FOXN3: variants seen among roughly 807,000 people sequenced by gnomAD.
FOXN3 encodes forkhead box protein N3.
In FOXN3, 7 loss-of-function variants were observed where a neutral mutation model predicts 38.4. The observed-to-expected ratio is 0.18, with a 90% confidence interval of 0.10 to 0.34. FOXN3 has a LOEUF of 0.34. Among genes scored for constraint, FOXN3 ranks in the 10% least tolerant of loss-of-function variants. The pLI, the probability that FOXN3 is intolerant of heterozygous loss-of-function variation, is 1.00. For synonymous variants in FOXN3, 230 were observed against 242.2 expected (o/e 0.95, Z 0.47); for missense variants, 456 against 613.4 (o/e 0.74, Z 2.71).
intron 5 of FOXN3, among the ~76,000 whole-genome samples, chr14:89,175,694 G>A (rs1050866096): frequency 6.6e-6 from 1 of 152,154 alleles, no homozygotes; most frequent in African/African-American, 2.4e-5. Flanking sequence ...GTTCACGTAC[G>A]TATTTTGTTG....
chr14:89,362,175 C>T (rs200454229), intron 2 of FOXN3, among the ~76,000 whole-genome samples: 111 of 4,620 alleles, frequency 0.024, 2 homozygotes, highest in Non-Finnish European at 0.035. Context: ...CCTCCAGCAC[C>T]ACCTCCACCA....
At chr14:89,542,537 T>C (rs561174127) in intron 1 of FOXN3, among the ~76,000 whole-genome samples, 1 of 152,324 alleles carries the variant, frequency 6.6e-6, no homozygotes, top group South Asian at 2.1e-4. Context: ...TTAGTCAAGT[T>C]CGTCATTGCT....
chr14:89,595,308 G>A (rs1259022594), intron 1 of FOXN3, among the ~76,000 whole-genome samples: 1 of 151,390 alleles, frequency 6.6e-6, no homozygotes, highest in African/African-American at 2.4e-5. Flanking sequence ...CTGGGCAATT[G>A]AGCGAGATTC....
chr14:89,268,942 C>T (rs558064480), intron 4 of FOXN3, among the ~76,000 whole-genome samples: 1 of 152,358 alleles, frequency 6.6e-6, no homozygotes, highest in Admixed American at 6.5e-5. Flanking sequence ...CCAGGCCATG[C>T]ATGGCAAAAC....
intron 1 of FOXN3, among the ~76,000 whole-genome samples, chr14:89,488,636 A>C (rs1034938450): frequency 5.3e-5 from 8 of 151,968 alleles, no homozygotes; most frequent in Non-Finnish European, 1.0e-4. Flanking sequence ...AAAAAAAAAA[A>C]AAAACTACAT....
chr14:89,579,293 A>G (rs1381495113), intron 1 of FOXN3, among the ~76,000 whole-genome samples: 1 of 150,794 alleles, frequency 6.6e-6, no homozygotes, highest in East Asian at 2.0e-4. Context: ...TCGGACCACA[A>G]GCACATGCCA....
chr14:89,413,375 T>A (rs184374621), intron 1 of FOXN3, among the ~76,000 whole-genome samples: 1 of 152,302 alleles, frequency 6.6e-6, no homozygotes, highest in Non-Finnish European at 1.5e-5. Flanking sequence ...GGCTCACGCC[T>A]ATAATCTCAC....
chr14:89,290,661 TGGGAA>T, intron 3 of FOXN3: 1 of 447,930 alleles, frequency 2.2e-6, no homozygotes, highest in Non-Finnish European at 4.4e-6. Context: ...TGCATGTTGC[TGGGAA>T]GGATGAGGTT....
intron 1 of FOXN3, among the ~76,000 whole-genome samples, chr14:89,564,576 A>T (rs1278160304): frequency 6.6e-6 from 1 of 152,194 alleles, no homozygotes; most frequent in African/African-American, 2.4e-5. Flanking sequence ...GGTGGTAATG[A>T]TTCACCGCAG....
chr14:89,204,103 A>T (rs1057055812), intron 4 of FOXN3, among the ~76,000 whole-genome samples: 11 of 136,804 alleles, frequency 8.0e-5, no homozygotes, highest in East Asian at 4.4e-4. Context: ...ACACACACAC[A>T]ACTACTACTA....
chr14:89,405,151 T>A (rs3825665), intron 2 of FOXN3, among the ~76,000 whole-genome samples: 65,826 of 151,784 alleles, frequency 0.43, 15,555 homozygotes, highest in Admixed American at 0.55. Context: ...TTGTTTTTCT[T>A]TTTGAGACAG....
chr14:89,317,739 C>A (rs1397225981), intron 3 of FOXN3, among the ~76,000 whole-genome samples: 1 of 151,932 alleles, frequency 6.6e-6, no homozygotes, highest in Non-Finnish European at 1.5e-5. Context: ...TTCCCTGAAC[C>A]TCTTATGGTA....
chr14:89,415,892 G>GT (rs1328755102), intron 1 of FOXN3, among the ~76,000 whole-genome samples: 1 of 108,058 alleles, frequency 9.3e-6, no homozygotes, highest in Admixed American at 8.6e-5. Context: ...ACCCTCTTTT[G>GT]TTTTTTTTAT....
chr14:89,365,913 A>G (rs1247929235), intron 2 of FOXN3, among the ~76,000 whole-genome samples: 1 of 152,194 alleles, frequency 6.6e-6, no homozygotes, highest in African/African-American at 2.4e-5. Context: ...TATTACAGAG[A>G]AACATAAAGT....
intron 1 of FOXN3, among the ~76,000 whole-genome samples, chr14:89,455,594 C>A (rs374096352): frequency 6.6e-6 from 1 of 152,134 alleles, no homozygotes; most frequent in African/African-American, 2.4e-5. Flanking sequence ...CTGAGTGAGC[C>A]GGCCACAGCC....
intron 1 of FOXN3, among the ~76,000 whole-genome samples, chr14:89,494,542 T>G (rs915348551): frequency 6.6e-6 from 1 of 152,184 alleles, no homozygotes; most frequent in African/African-American, 2.4e-5. Flanking sequence ...GTCTTTCTTT[T>G]AAAATGGTGT....
At chr14:89,512,388 A>G (rs908168124) in intron 1 of FOXN3, among the ~76,000 whole-genome samples, 2 of 152,262 alleles carry the variant, frequency 1.3e-5, no homozygotes, top group Non-Finnish European at 2.9e-5. Flanking sequence ...AAGCGGTTAA[A>G]TATACCATTT....
chr14:89,441,072 TG>T (rs980977622), intron 1 of FOXN3, among the ~76,000 whole-genome samples: 1 of 152,114 alleles, frequency 6.6e-6, no homozygotes, highest in African/African-American at 2.4e-5. Flanking sequence ...TATGAGAAAG[TG>T]GCCGAGGCTC....
At chr14:89,540,217 A>G (rs1194983303) in intron 1 of FOXN3, among the ~76,000 whole-genome samples, 1 of 152,210 alleles carries the variant, frequency 6.6e-6, no homozygotes, top group African/African-American at 2.4e-5. Flanking sequence ...GCAAATAGAG[A>G]TAACAACAAA....
Sources: allele counts gnomAD v4.1 joint callset (sites outside exome capture counted in the v4.1 genomes callset), GRCh38; gene constraint gnomAD v4.1.1; transcripts MANE v1.5; gene names NCBI Gene and HGNC (gene_info 2026-07-23, HGNC 2026-07-21).